Variants in PDGFRB observed in about 807,000 individuals in gnomAD.
PDGFRB encodes platelet-derived growth factor receptor beta.
A neutral mutation model predicts 120.2 loss-of-function variants in PDGFRB; 42 were observed. The ratio of observed to expected loss-of-function variants is 0.35; its 90% confidence interval spans 0.27 to 0.45. The LOEUF (loss-of-function observed/expected upper bound fraction) is 0.45. Among genes scored for constraint, PDGFRB ranks in the 20% least tolerant of loss-of-function variants. The pLI is 1.00. For missense variants in PDGFRB, 1,149 were observed against 1,476.3 expected, an observed-to-expected ratio of 0.78 and a Z score of 3.63; for synonymous variants, 586 against 606.8, an observed-to-expected ratio of 0.97 and a Z score of 0.50.
At chr5:150,152,543 G>A (rs1761104937) in intron 1 of PDGFRB, among the ~76,000 whole-genome samples, 2 of 152,140 alleles carry the variant, frequency 1.3e-5, no homozygotes, top group Non-Finnish European at 2.9e-5. Flanking sequence ...CAAGAAATGG[G>A]TGGGCATTTC....
At chr5:150,146,921 C>T (rs996578672) in intron 1 of PDGFRB, among the ~76,000 whole-genome samples, 2 of 152,212 alleles carry the variant, frequency 1.3e-5, no homozygotes, top group Non-Finnish European at 2.9e-5. Flanking sequence ...AGGCCTGCCC[C>T]GGGTCACCAA....
chr5:150,126,539 A>T lies in PDGFRB; in HGVS notation c.1655T>A (p.Leu552His). 1 of 1,599,016 alleles carries T rather than the reference A, an allele frequency of 6.3e-7. No homozygotes were observed. Among genetic ancestry groups the T allele is most frequent in the East Asian group, 2.2e-5 (1 of 44,808 alleles). The change falls in exon 11 of 23, where the codon CTC becomes CAC. Residue 552 changes from leucine (L) to histidine (H), a missense_variant. This residue lies in a region of PDGFRB where 879 missense variants were observed against 1,108.6 expected (regional missense o/e 0.79). Coordinates refer to ENST00000261799, the MANE Select transcript of PDGFRB (RefSeq NM_002609.4). Reference protein sequence around the residue: ...VVLTIISLIILIMLWQKKPRY... With the variant: ...VVLTIISLIIHIMLWQKKPRY... ...GCTTACCTTCTGCCAAAGCATGATG[A>T]GGATGATAAGGGAGATGATGGTGAG...
Position 150,122,338 on chromosome 5 carries a change from C to T in PDGFRB, c.2184-298G>A, listed in dbSNP as rs553285335. Reference sequence around the variant, plus strand: ...TTCAGAGGCGCCTTCCTGTGGCCTCCCCAGCGCCACCTGGCCATGGGAGTG... The same window carrying T: ...TTCAGAGGCGCCTTCCTGTGGCCTCTCCAGCGCCACCTGGCCATGGGAGTG... On this transcript the variant is annotated intron_variant, in intron 15 of 22. Transcript: ENST00000261799. 51 of 337,912 alleles carry T rather than the reference C, an allele frequency of 1.5e-4. No homozygotes were observed. The East Asian group carries it at 2.8e-3, about 18-fold the overall frequency. 20.9% of individuals were successfully genotyped at this position (337,912 alleles called of 1,614,324 possible).
Position 150,114,340 on chromosome 5 carries a change from GCTT to G in PDGFRB, c.*1420_*1422del, listed in dbSNP as rs145327251. 2.7e-3 allele frequency: 636 copies of G among 233,242 alleles called. 4 individuals carry two copies. Among genetic ancestry groups the G allele is most frequent in the South Asian group, 0.019 (104 of 5,528 alleles). 14.4% of individuals were successfully genotyped at this position (233,242 alleles called of 1,614,324 possible). A position where few individuals can be genotyped will look rare whatever the true frequency, so the allele number is the denominator to read the frequency against. ...ATCCTTCTTGGGGTACCCATCTGAA[GCTT>G]CTTGTCTTTTACAAGACATAACTGT... On this transcript the variant is annotated 3_prime_UTR_variant, in exon 23 of 23. Transcript: ENST00000261799.
At position 150,121,264 on chromosome 5, in the gene PDGFRB, C is replaced by T. The variant is rs748872294; in HGVS notation, c.2403G>A (p.Met801Ile). The T allele has an allele frequency of 3.1e-6, 5 of 1,610,088 alleles. No homozygotes were observed. In the South Asian group the frequency reaches 5.5e-5, roughly 18 times the overall value. The part of the protein sequence containing the change: ...LINESPVLSY[M>I]DLVGFSYQVA... ...CCTGGTAGCTGAAGCCCACGAGGTC[C>T]ATGTAGCTTAGCACTGGAGACTCGT... Residue 801 changes from methionine (M) to isoleucine (I), a missense_variant, in exon 17 of 23, where the codon ATG becomes ATA. By Grantham distance (10) the Met-to-Ile change is conservative. This residue lies in a region of PDGFRB where 879 missense variants were observed against 1,108.6 expected (regional missense o/e 0.79). Coordinates refer to ENST00000261799, the MANE Select transcript of PDGFRB (RefSeq NM_002609.4). This position sits in a 1 kb window ranked among gnomAD's most constrained non-coding sequence, Gnocchi z 4.1.
rs1423552446 is a variant in PDGFRB at position 150,152,878 on chromosome 5, T to G, written c.-7+2519A>C. ...ACTGTGGTAAGCACCTTGCCAATGC[T>G]GTTGTCTCATGGAGCCCACACACGG... On this transcript the variant is annotated intron_variant, in intron 1 of 22. Coordinates refer to ENST00000261799, the MANE Select transcript of PDGFRB (RefSeq NM_002609.4). Among the ~76,000 whole-genome samples, 3 of 152,222 alleles carry G rather than the reference T, an allele frequency of 2.0e-5. No homozygotes were observed. The East Asian group carries it at 5.8e-4, about 29-fold the overall frequency.
rs1760093086 is a variant in PDGFRB at position 150,120,384 on chromosome 5, T to C, written c.2587-261A>G. ...GGGAAAAGCCCCAGGGTCTGAGTAG[T>C]GAAGTGTGGGAGCCAGGGACTTGTC... On this transcript the variant is annotated intron_variant, in intron 18 of 22. Transcript: ENST00000261799. This position sits in a 1 kb window ranked among gnomAD's most constrained non-coding sequence, Gnocchi z 4.3. 6.6e-6 allele frequency among the ~76,000 whole-genome samples: 1 copy of C among 152,102 alleles called. No individual in the cohort carries two copies. The highest frequency in any genetic ancestry group is 1.5e-5 in the Non-Finnish European group (1 of 67,998).
rs1484704771 is a variant in PDGFRB, at chr5:150,124,845, G to A, written c.1808-14C>T. On this transcript the variant is annotated splice_polypyrimidine_tract_variant and intron_variant, in intron 12 of 22. Coordinates refer to ENST00000261799, the MANE Select transcript of PDGFRB (RefSeq NM_002609.4). Reference sequence around the variant, plus strand: ...CGAGGGTGCGTCCTGGTGCAGAGATGATCCATTAGCTCCTGGCCTACCAGG... The same window carrying A: ...CGAGGGTGCGTCCTGGTGCAGAGATAATCCATTAGCTCCTGGCCTACCAGG... 2.8e-6 allele frequency: 4 copies of A among 1,437,702 alleles called. No individual in the cohort carries two copies. In the East Asian group the frequency reaches 6.8e-5, roughly 25 times the overall value. The allele number at this position is 1,437,702 out of a possible 1,614,324, so 89.1% of individuals were successfully genotyped here.
At chr5:150,137,264 T>G in intron 1 of PDGFRB, 2 of 530,236 alleles carry the variant, frequency 3.8e-6, no homozygotes, top group South Asian at 4.9e-5. Context: ...AGCCTTGGGG[T>G]CCTGGCCTTT....
intron 10 of PDGFRB, among the ~76,000 whole-genome samples, chr5:150,129,084 C>T (rs1382631521): frequency 1.3e-5 from 2 of 152,196 alleles, no homozygotes; most frequent in Non-Finnish European, 2.9e-5. Context: ...ACAGCAGGCA[C>T]ATGTGTACGG....
At chr5:150,118,284 G>A (rs746639444) in intron 21 of PDGFRB, among the ~76,000 whole-genome samples, 3 of 152,150 alleles carry the variant, frequency 2.0e-5, no homozygotes, top group Non-Finnish European at 4.4e-5. Context: ...TGTGTCAAAG[G>A]CCATGTGTAT....
chr5:150,132,124 T>G lies in PDGFRB; in HGVS notation c.1128-30A>C. 8.5e-7 allele frequency: 1 copy of G among 1,181,898 alleles called. No homozygotes were observed. The highest frequency in any genetic ancestry group is 1.3e-6 in the Non-Finnish European group (1 of 787,932). The allele number at this position is 1,181,898 out of a possible 1,614,324, so 73.2% of individuals were successfully genotyped here. Reference sequence around the variant, plus strand: ...GGAGCAGGAAAGGCAGCTGTCAGAGTCGGAAGGACTCTTACAGTTCTCCCC... The same window carrying G: ...GGAGCAGGAAAGGCAGCTGTCAGAGGCGGAAGGACTCTTACAGTTCTCCCC... On this transcript the variant is annotated intron_variant, in intron 7 of 22. Coordinates refer to ENST00000261799, the MANE Select transcript of PDGFRB (RefSeq NM_002609.4). This position sits in a 1 kb window ranked among gnomAD's most constrained non-coding sequence, Gnocchi z 5.0.
Position 150,125,604 on chromosome 5 carries a change from T to C in PDGFRB, c.1675-27A>G, listed in dbSNP as rs200360817. The C allele has an allele frequency of 1.6e-4, 265 of 1,612,224 alleles. 1 individual carries two copies. The highest frequency in any genetic ancestry group is 1.9e-4 in the Non-Finnish European group (220 of 1,178,740). On this transcript the variant is annotated intron_variant, in intron 11 of 22. Transcript: ENST00000261799. ...TGGAGGACCAACCCCAGGAATTAGT[T>C]ATCAGAGGGAGTCTCAGGCCCTGAG... is the stretch of plus-strand genomic sequence containing the variant.
At chr5:150,118,146 G>A (rs566855122) in intron 21 of PDGFRB, among the ~76,000 whole-genome samples, 4 of 152,222 alleles carry the variant, frequency 2.6e-5, no homozygotes, top group East Asian at 1.9e-4. Flanking sequence ...CTGCCTCAGC[G>A]TCCTTCTTCA....
At chr5:150,130,700 T>A (rs747246937) in intron 8 of PDGFRB, 38 bp from the exon 9 acceptor site, 9 of 1,606,042 alleles carry the variant, frequency 5.6e-6, no homozygotes, top group African/African-American at 5.4e-5. Flanking sequence ...GGCGGGAGGG[T>A]CAGGACAGTT....
At chr5:150,117,544 G>GCACACACA (rs3836743) in intron 22 of PDGFRB, 74 bp downstream of exon 22, 717 of 516,246 alleles carry the variant, frequency 1.4e-3, no homozygotes, top group Non-Finnish European at 1.8e-3. Context: ...GCGCGCGCGC[G>GCACACACA]CACACACACA....
intron 1 of PDGFRB, among the ~76,000 whole-genome samples, chr5:150,154,402 G>A (rs888428421): frequency 7.2e-5 from 11 of 152,158 alleles, no homozygotes; most frequent in African/African-American, 1.9e-4. Context: ...ATGTGGCTGC[G>A]TGAGCCTCAA....
rs772744213 is a variant in PDGFRB at position 150,114,212 on chromosome 5, G to T, written c.*1551C>A. 3.4e-4 allele frequency: 80 copies of T among 233,114 alleles called. No homozygotes were observed. Among genetic ancestry groups the T allele is most frequent in the Non-Finnish European group, 5.8e-4 (68 of 117,978 alleles). 14.4% of individuals were successfully genotyped at this position (233,114 alleles called of 1,614,324 possible). A position where few individuals can be genotyped will look rare whatever the true frequency, so the allele number is the denominator to read the frequency against. On this transcript the variant is annotated 3_prime_UTR_variant, in exon 23 of 23. Coordinates refer to ENST00000261799, the MANE Select transcript of PDGFRB (RefSeq NM_002609.4). ...GGGCTGGGGACAATGAGATGTCACTGCTAGGTCTGGGCAGTGACAAAACCA... is the reference window on the plus strand; with the variant it reads ...GGGCTGGGGACAATGAGATGTCACTTCTAGGTCTGGGCAGTGACAAAACCA...
At chr5:150,151,134 A>G (rs183077467) in intron 1 of PDGFRB, among the ~76,000 whole-genome samples, 1 of 152,306 alleles carries the variant, frequency 6.6e-6, no homozygotes, top group East Asian at 1.9e-4. Context: ...AGGGTAAGAA[A>G]AAAACCCTTT....
Sources: gnomAD v4.1 joint callset for allele counts (sites outside exome capture counted in the v4.1 genomes callset) on GRCh38, gnomAD v4.1.1 for gene constraint, gnomAD v4.1.1 regional missense constraint, Gnocchi (gnomAD v3.1) non-coding constraint, MANE v1.5 for transcripts, NCBI Gene and HGNC (gene_info 2026-07-23, HGNC 2026-07-21) for gene names.